Variants in PLEKHG1 observed in about 807,000 individuals in gnomAD.
PLEKHG1 encodes the protein pleckstrin homology and RhoGEF domain containing G1.
PLEKHG1 carries 44 observed loss-of-function variants against 100.8 expected under a neutral mutation model. That is an observed-to-expected ratio of 0.44 (90% CI 0.34 to 0.56). PLEKHG1 has a LOEUF of 0.56. Among genes scored for constraint, PLEKHG1 ranks in the 20% least tolerant of loss-of-function variants. The pLI, the probability that PLEKHG1 is intolerant of heterozygous loss-of-function variation, is 0.01. For synonymous variants in PLEKHG1, 640 were observed against 662.5 expected (o/e 0.97, Z 0.52); for missense variants, 1,545 against 1,720.9 (o/e 0.90, Z 1.81).
In PLEKHG1 at chr6:150,683,317, T is replaced by G. The variant is rs937028058; in HGVS notation, c.-99+32531T>G. ...GTCTTTAAACAGCCTTCAGGATGAT[T>G]CTGGTTTTCTAGATGTGTTTCCTTT... On this transcript the variant is annotated intron_variant, in intron 3 of 3. Transcript: ENST00000367326. The surrounding 1 kb of genome is among the most constrained non-coding windows in gnomAD (Gnocchi z 4.0). Among the ~76,000 whole-genome samples the G allele has an allele frequency of 2.6e-5, 4 of 152,212 alleles. No homozygotes were observed. Among genetic ancestry groups the G allele is most frequent in the African/African-American group, 9.6e-5 (4 of 41,462 alleles).
chr6:150,756,013 T>A (rs1482274037), intron 2 of PLEKHG1, among the ~76,000 whole-genome samples: 4 of 152,158 alleles, frequency 2.6e-5, no homozygotes, highest in South Asian at 4.1e-4. Context: ...AATTCATATC[T>A]CTTGAAAAAT....
chr6:150,751,274 CT>C (rs66700466), intron 2 of PLEKHG1, among the ~76,000 whole-genome samples: 140,747 of 149,204 alleles, frequency 0.94, 66,428 homozygotes, highest in East Asian at 0.97. Context: ...GGAATGAATA[CT>C]TTTTTTTTTT....
intron 1 of PLEKHG1, among the ~76,000 whole-genome samples, chr6:150,619,098 A>G (rs1472816929): frequency 6.6e-6 from 1 of 152,190 alleles, no homozygotes; most frequent in Non-Finnish European, 1.5e-5. Flanking sequence ...AAGAAAAAGA[A>G]AAAACAGTTC....
chr6:150,682,867 C>A (rs1209067518), intron 3 of PLEKHG1, among the ~76,000 whole-genome samples: 1 of 152,090 alleles, frequency 6.6e-6, no homozygotes, highest in Non-Finnish European at 1.5e-5. Context: ...TAAAGAGAGA[C>A]CAGGAGCTCC....
At chr6:150,768,378 G>A (rs910477558) in intron 2 of PLEKHG1, among the ~76,000 whole-genome samples, 1 of 152,208 alleles carries the variant, frequency 6.6e-6, no homozygotes, top group Admixed American at 6.5e-5. Flanking sequence ...GGTCATTGTA[G>A]CCCCATCTGG....
intron 1 of PLEKHG1, among the ~76,000 whole-genome samples, chr6:150,602,129 A>G (rs141602171): frequency 1.3e-4 from 20 of 152,346 alleles, no homozygotes; most frequent in African/African-American, 4.6e-4. Context: ...TCCCATAAAT[A>G]TGGGAAATGC....
chr6:150,768,819 C>T, intron 3 of PLEKHG1, 81 bp downstream of exon 4: 3 of 775,278 alleles, frequency 3.9e-6, no homozygotes, highest in Non-Finnish European at 6.7e-6. Context: ...AGAAACTTTA[C>T]CTGTAACCCC....
At chr6:150,809,803 A>T in intron 10 of PLEKHG1, 69 bp downstream of exon 11, 3 of 1,163,570 alleles carry the variant, frequency 2.6e-6, no homozygotes, top group Non-Finnish European at 3.8e-6. Flanking sequence ...TGGGAGGTGG[A>T]GGTTACTGTG....
chr6:150,688,109 T>G (rs973556339), intron 3 of PLEKHG1, among the ~76,000 whole-genome samples: 4 of 152,146 alleles, frequency 2.6e-5, no homozygotes, highest in Admixed American at 2.6e-4. Flanking sequence ...GATGAGTGAT[T>G]ATTTGTAAAA....
In PLEKHG1 at chr6:150,673,800, A is replaced by G. The variant is rs1582922690; in HGVS notation, c.-99+23014A>G. ...CTCAGTCTCCCAAGTAGCTGGGCCT[A>G]CAGGCGTAAGCCACCATGCCTGGCT... is the stretch of plus-strand genomic sequence containing the variant. On this transcript the variant is annotated intron_variant, in intron 3 of 3. Transcript: ENST00000367326. Among the ~76,000 whole-genome samples the G allele has an allele frequency of 2.6e-5, 4 of 152,206 alleles. No homozygotes were observed. In the Middle Eastern group the frequency reaches 0.014, roughly 518 times the overall value.
chr6:150,632,936 C>T (rs569256348), intron 1 of PLEKHG1: 1 of 152,308 alleles, frequency 6.6e-6, no homozygotes, highest in East Asian at 1.9e-4. Context: ...CCCTTTCTAA[C>T]TTAGCTGATA....
intron 3 of PLEKHG1, among the ~76,000 whole-genome samples, chr6:150,714,100 G>A (rs1407994762): frequency 6.6e-6 from 1 of 152,226 alleles, no homozygotes; most frequent in Non-Finnish European, 1.5e-5. Context: ...TTAGATGTGT[G>A]TTATCTCCTG....
chr6:150,786,306 A>T (rs763745947), intron 3 of PLEKHG1, 84 bp from the exon 5 acceptor site: 25 of 869,782 alleles, frequency 2.9e-5, no homozygotes, highest in Non-Finnish European at 4.1e-5. Context: ...ATGCCATGGA[A>T]ATGTTTAAAC....
At chr6:150,754,375 C>G (rs1219690539) in intron 2 of PLEKHG1, among the ~76,000 whole-genome samples, 2 of 151,960 alleles carry the variant, frequency 1.3e-5, no homozygotes, top group Admixed American at 6.6e-5. Context: ...ATTTAAGAGT[C>G]CTTGAAGGAT....
At chr6:150,768,445 C>T (rs1450461890) in intron 2 of PLEKHG1, among the ~76,000 whole-genome samples, 193 bp from the exon 4 acceptor site, 1 of 152,190 alleles carries the variant, frequency 6.6e-6, no homozygotes, top group Non-Finnish European at 1.5e-5. Flanking sequence ...CTTTCTCTTT[C>T]CTAAAACTCT....
At chr6:150,602,196 ATTATC>A (rs1282209651) in intron 1 of PLEKHG1, among the ~76,000 whole-genome samples, 1 of 152,174 alleles carries the variant, frequency 6.6e-6, no homozygotes, top group East Asian at 1.9e-4. Context: ...TCCTGAAGCT[ATTATC>A]TTAATGGCGG....
At chr6:150,806,540 G>C (rs1787115544) in intron 7 of PLEKHG1, among the ~76,000 whole-genome samples, 2 of 151,984 alleles carry the variant, frequency 1.3e-5, no homozygotes, top group Admixed American at 1.3e-4. Context: ...TAAAAAATTA[G>C]CTGGGCGTGG....
chr6:150,819,841 C>T, intron 12 of PLEKHG1, 67 bp downstream of exon 13: 1 of 892,276 alleles, frequency 1.1e-6, no homozygotes. Context: ...CCCTTTGAGT[C>T]TGACAAAAGG....
intron 3 of PLEKHG1, among the ~76,000 whole-genome samples, chr6:150,666,689 A>G (rs1303180405): frequency 6.6e-6 from 1 of 152,140 alleles, no homozygotes; most frequent in Non-Finnish European, 1.5e-5. Context: ...AGTTCATGTC[A>G]GAGACTGAGC....
Sources: gnomAD v4.1 joint callset for allele counts (sites outside exome capture counted in the v4.1 genomes callset) on GRCh38, gnomAD v4.1.1 for gene constraint, Gnocchi (gnomAD v3.1) non-coding constraint, MANE v1.5 for transcripts, NCBI Gene and HGNC (gene_info 2026-07-23, HGNC 2026-07-21) for gene names.